Variants in AHCYL1 observed in about 807,000 individuals in gnomAD.
The protein encoded by AHCYL1 is adenosylhomocysteinase like 1.
Under a neutral mutation model 79.3 loss-of-function variants are expected in AHCYL1, and 20 were observed. The ratio of observed to expected loss-of-function variants is 0.25; its 90% CI spans 0.18 to 0.37. AHCYL1 has a LOEUF of 0.37. Ranked by LOEUF, AHCYL1 falls within the 10% of genes least tolerant of loss-of-function variation. AHCYL1 has a pLI of 1.00. For synonymous variants in AHCYL1, 223 were observed against 242.2 expected (o/e 0.92, Z 0.74); for missense variants, 330 against 673.6 (o/e 0.49, Z 5.65).
chr1:109,987,513 A>T (rs983679896), intron 1 of AHCYL1, among the ~76,000 whole-genome samples: 3 of 152,098 alleles, frequency 2.0e-5, no homozygotes, highest in Non-Finnish European at 2.9e-5. Context: ...ATGCCAGAGG[A>T]TATAGGTTAC....
chr1:110,014,964 A>G, intron 6 of AHCYL1, 107 bp downstream of exon 6: 1 of 1,034,030 alleles, frequency 9.7e-7, no homozygotes, highest in Middle Eastern at 2.3e-4. Flanking sequence ...TTATGCACTG[A>G]CTTTGTTGCT....
rs200425970 is a variant in AHCYL1 at position 110,021,254 on chromosome 1, C to CA, written c.1586+406dup. Among the ~76,000 whole-genome samples, 1,363 of 152,092 alleles carry CA rather than the reference C, an allele frequency of 9.0e-3. 21 individuals carry two copies. The highest frequency in any genetic ancestry group is 0.032 in the African/African-American group (1,319 of 41,484). On this transcript the variant is annotated intron_variant, in intron 16 of 16. Transcript: ENST00000369799. ...AGACTCTGTCTTAAAAACAAACAAA[C>CA]AAACAAAAAAACTGTTCCAGTTAAC...
intron 13 of AHCYL1, 45 bp downstream of exon 13, chr1:110,018,695 G>A: frequency 6.6e-7 from 1 of 1,525,142 alleles, no homozygotes. Context: ...AAGCAGAGTA[G>A]TTAGATCTAT....
At chr1:109,985,267 G>T in intron 1 of AHCYL1, 95 bp downstream of exon 1, 1 of 1,476,354 alleles carries the variant, frequency 6.8e-7, no homozygotes. Flanking sequence ...GGACTTCTGG[G>T]GGTGACTGGG....
In AHCYL1 at chr1:110,006,709, G is replaced by T. The variant is rs1650680010; in HGVS notation, c.121-2325G>T. Among the ~76,000 whole-genome samples, 3 of 152,346 alleles carry T rather than the reference G, an allele frequency of 2.0e-5. No homozygotes were observed. The South Asian group carries it at 6.2e-4, about 32-fold the overall frequency. On this transcript the variant is annotated intron_variant, in intron 1 of 16. Coordinates refer to ENST00000369799, the MANE Select transcript of AHCYL1 (RefSeq NM_006621.7). ...TCTGGAGGAAACTGGCAGAGCAGAT[G>T]TATTCCACAGCATCAGTTGTAACAC...
chr1:109,998,418 T>G (rs1650131728), intron 1 of AHCYL1, among the ~76,000 whole-genome samples: 1 of 152,120 alleles, frequency 6.6e-6, no homozygotes, highest in Non-Finnish European at 1.5e-5. Context: ...CCCAGGAGTT[T>G]GAGGTCAGCC....
chr1:109,996,425 C>T (rs1023536064), intron 1 of AHCYL1, among the ~76,000 whole-genome samples: 1 of 152,180 alleles, frequency 6.6e-6, no homozygotes, highest in Non-Finnish European at 1.5e-5. Flanking sequence ...ACTTAGGGTG[C>T]ATCAGTGAAC....
At chr1:110,012,238 G>A (rs766519457) in intron 3 of AHCYL1, 124 bp from the exon 4 acceptor site, 1 of 750,328 alleles carries the variant, frequency 1.3e-6, no homozygotes, top group Non-Finnish European at 2.1e-6. Flanking sequence ...CAGTCGTCAT[G>A]GAAATAGGCT....
At chr1:110,008,964 T>A (rs953441934) in intron 1 of AHCYL1, 70 bp from the exon 2 acceptor site, 10 of 1,235,526 alleles carry the variant, frequency 8.1e-6, no homozygotes, top group African/African-American at 6.1e-5. Flanking sequence ...AGACAATGTA[T>A]CCTTAAAAAA....
intron 5 of AHCYL1, among the ~76,000 whole-genome samples, chr1:110,014,106 T>G (rs1377504780): frequency 2.0e-5 from 3 of 152,162 alleles, no homozygotes; most frequent in African/African-American, 7.2e-5. Flanking sequence ...CAGCCGGACC[T>G]CTCATCTTTT....
At chr1:109,995,804 A>G in intron 1 of AHCYL1, 1 of 557,078 alleles carries the variant, frequency 1.8e-6, no homozygotes, top group Middle Eastern at 9.0e-4. Flanking sequence ...AAGAGAACAG[A>G]TGGAGAATGG....
At position 109,985,032 on chromosome 1, in the gene AHCYL1, G is replaced by T; in HGVS notation, c.-21G>T. 1 of 1,535,778 alleles carries T rather than the reference G, an allele frequency of 6.5e-7. No homozygotes were observed. The highest frequency in any genetic ancestry group is 1.2e-5 in the South Asian group (1 of 83,000). On this transcript the variant is annotated 5_prime_UTR_variant, in exon 1 of 17. Coordinates refer to ENST00000369799, the MANE Select transcript of AHCYL1 (RefSeq NM_006621.7). ...AAGAGGCGGGGGCGGCGGGTCAGCC[G>T]CTGGCCGGGCCGGCCGGGGAATGTC...
rs768703294 is a variant in AHCYL1 at position 109,985,130 on chromosome 1, G to A, written c.78G>A (p.Glu26=). The part of the protein sequence containing the change: ...LKQAKEIEDA[E]KYSFMATVTK... ...AGGCCAAGGAGATCGAGGACGCCGA[G>A]AAGTACTCCTTCATGGCCACCGTCA... The change falls in exon 1 of 17, where the codon GAG becomes GAA. Residue 26 remains glutamate, a synonymous_variant. Coordinates refer to ENST00000369799, the MANE Select transcript of AHCYL1 (RefSeq NM_006621.7). 1 of 1,611,528 alleles carries A rather than the reference G, an allele frequency of 6.2e-7. No homozygotes were observed. Among genetic ancestry groups the A allele is most frequent in the South Asian group, 1.1e-5 (1 of 90,804 alleles).
chr1:110,019,841 T>C (rs529989435), intron 15 of AHCYL1, among the ~76,000 whole-genome samples: 11 of 152,368 alleles, frequency 7.2e-5, no homozygotes, highest in Middle Eastern at 3.4e-3. Context: ...TGTGTGAGAA[T>C]CACAGCTAAT....
At chr1:109,985,967 G>C (rs746827558) in intron 1 of AHCYL1, among the ~76,000 whole-genome samples, 14 of 152,144 alleles carry the variant, frequency 9.2e-5, no homozygotes, top group Non-Finnish European at 1.5e-4. Flanking sequence ...GACACCCTTC[G>C]AATTCTCTCA....
chr1:110,015,846 A>G (rs1270395694), intron 7 of AHCYL1, among the ~76,000 whole-genome samples: 1 of 152,208 alleles, frequency 6.6e-6, no homozygotes, highest in Admixed American at 6.5e-5. Context: ...TTGAAATATG[A>G]AAAACAATCC....
intron 1 of AHCYL1, chr1:109,985,654 G>C: frequency 1.6e-6 from 1 of 638,212 alleles, no homozygotes; most frequent in Non-Finnish European, 2.0e-6. Flanking sequence ...CGTGAAGCTA[G>C]CTCTGATATA....
chr1:110,019,205 G>A, intron 14 of AHCYL1, 86 bp downstream of exon 14: 1 of 1,287,050 alleles, frequency 7.8e-7, no homozygotes, highest in Non-Finnish European at 1.1e-6. Context: ...ACTGTACTAT[G>A]TTCTCATCAT....
chr1:109,994,553 T>C (rs1649929287), intron 1 of AHCYL1, among the ~76,000 whole-genome samples: 1 of 152,214 alleles, frequency 6.6e-6, no homozygotes, highest in Non-Finnish European at 1.5e-5. Flanking sequence ...CCTCCCAAAG[T>C]GTTGGGATTA....
Sources: gnomAD v4.1 joint callset for allele counts (sites outside exome capture counted in the v4.1 genomes callset) on GRCh38, gnomAD v4.1.1 for gene constraint, MANE v1.5 for transcripts, NCBI Gene and HGNC (gene_info 2026-07-23, HGNC 2026-07-21) for gene names.